Variants in CDH4 observed in about 807,000 individuals in gnomAD.
CDH4 encodes the protein cadherin-4.
CDH4 carries 33 observed loss-of-function variants against 86.0 expected under a neutral mutation model. That is an observed-to-expected ratio of 0.38 (90% CI 0.29 to 0.51). The LOEUF (loss-of-function observed/expected upper bound fraction) is 0.51. CDH4 is among the 20% of genes least tolerant of loss of function. CDH4 has a pLI of 0.86. For missense variants in CDH4, 1,114 were observed against 1,307.4 expected (o/e 0.85, Z 2.28); for synonymous variants, 555 against 549.4 (o/e 1.01, Z -0.14).
At chr20:61,323,856 C>G (rs1010456010) in intron 2 of CDH4, among the ~76,000 whole-genome samples, 4 of 152,160 alleles carry the variant, frequency 2.6e-5, no homozygotes, top group Non-Finnish European at 2.9e-5. Context: ...TAATGCCTCC[C>G]TGTTGGGGAA....
At chr20:61,729,672 G>C (rs985363105) in intron 2 of CDH4, among the ~76,000 whole-genome samples, 5 of 152,206 alleles carry the variant, frequency 3.3e-5, no homozygotes, top group African/African-American at 1.2e-4. Context: ...AGTTTTGGGG[G>C]ACAGGGCCAC....
rs564369129 is a variant in CDH4, at chr20:61,609,071, G to A, written c.170-134492G>A. 5.3e-5 allele frequency among the ~76,000 whole-genome samples: 8 copies of A among 152,312 alleles called. No homozygotes were observed. In the South Asian group the frequency reaches 8.3e-4, roughly 16 times the overall value. On this transcript the variant is annotated intron_variant, in intron 2 of 15. Transcript: ENST00000614565. ...AATCACAAGCCAGTTTTCCTTCTCA[G>A]GTTTTGCGGCTACAGGGACCCCCTC...
intron 2 of CDH4, among the ~76,000 whole-genome samples, chr20:61,262,201 G>T (rs946701546): frequency 6.6e-6 from 1 of 152,186 alleles, no homozygotes; most frequent in Non-Finnish European, 1.5e-5. Context: ...TGGCCAGCCG[G>T]GGCGGGGCTC....
At chr20:61,280,851 C>T (rs1441825194) in intron 2 of CDH4, among the ~76,000 whole-genome samples, 4 of 152,186 alleles carry the variant, frequency 2.6e-5, no homozygotes, top group African/African-American at 9.7e-5. Context: ...CCTCGCTACC[C>T]TCCCTGTTCC....
intron 4 of CDH4, among the ~76,000 whole-genome samples, chr20:61,817,656 G>T (rs1393603372): frequency 1.3e-5 from 2 of 152,176 alleles, no homozygotes; most frequent in African/African-American, 4.8e-5. Flanking sequence ...CGAGGTCACA[G>T]GTGTCTGCGC....
At chr20:61,794,000 G>T (rs1322625759) in intron 4 of CDH4, among the ~76,000 whole-genome samples, 6 of 149,490 alleles carry the variant, frequency 4.0e-5, no homozygotes, top group Non-Finnish European at 8.9e-5. Context: ...AAAATTAGCT[G>T]GGCGTGGTGG....
intron 9 of CDH4, among the ~76,000 whole-genome samples, chr20:61,918,084 G>A (rs1469369358): frequency 2.6e-5 from 4 of 152,268 alleles, no homozygotes; most frequent in Non-Finnish European, 5.9e-5. Context: ...GGCCTGGGGG[G>A]GCAGCTGCAG....
chr20:61,447,470 G>C (rs76089535), intron 2 of CDH4, among the ~76,000 whole-genome samples: 1 of 151,770 alleles, frequency 6.6e-6, no homozygotes, highest in African/African-American at 2.4e-5. Context: ...CAGTGTGCCC[G>C]ACCTATTCAT....
At chr20:61,714,206 C>T (rs2145903032) in intron 2 of CDH4, among the ~76,000 whole-genome samples, 1 of 152,078 alleles carries the variant, frequency 6.6e-6, no homozygotes, top group African/African-American at 2.4e-5. Context: ...GCCACCACGC[C>T]TGGCTAATTT....
chr20:61,413,739 A>G (rs1350010269), intron 2 of CDH4, among the ~76,000 whole-genome samples: 14 of 152,146 alleles, frequency 9.2e-5, no homozygotes, highest in Admixed American at 9.2e-4. Flanking sequence ...GTTCTCAAGG[A>G]CAGTCACTTA....
intron 2 of CDH4, among the ~76,000 whole-genome samples, chr20:61,573,381 G>C (rs868177186): frequency 1.3e-5 from 2 of 152,236 alleles, no homozygotes; most frequent in Non-Finnish European, 2.9e-5. Context: ...AGAAACACAA[G>C]TTGAGTATTT....
chr20:61,556,287 C>A (rs1370321083), intron 2 of CDH4, among the ~76,000 whole-genome samples: 2 of 152,138 alleles, frequency 1.3e-5, no homozygotes, highest in Non-Finnish European at 2.9e-5. Context: ...GTATGTGTCA[C>A]CAGAATTCAG....
intron 2 of CDH4, among the ~76,000 whole-genome samples, chr20:61,601,893 CT>C (rs1439572998): frequency 1.3e-5 from 2 of 152,200 alleles, no homozygotes; most frequent in Non-Finnish European, 2.9e-5. Flanking sequence ...GGAAACAGCT[CT>C]GTAGAAAAGT....
At chr20:61,359,581 G>T (rs1247822906) in intron 2 of CDH4, among the ~76,000 whole-genome samples, 1 of 152,226 alleles carries the variant, frequency 6.6e-6, no homozygotes, top group Non-Finnish European at 1.5e-5. Flanking sequence ...CAGGTGCTCC[G>T]TGTCCCGGCC....
chr20:61,899,182 G>A, intron 8 of CDH4, among the ~76,000 whole-genome samples: 1 of 151,878 alleles, frequency 6.6e-6, no homozygotes, highest in South Asian at 2.1e-4. Context: ...GTGCGCACCT[G>A]TAATCCCAGC....
Position 61,582,066 on chromosome 20 carries a change from G to A in CDH4, c.170-161497G>A, listed in dbSNP as rs757388134. Reference sequence around the variant, plus strand: ...GAGGGTGCTCCCAGCCCTCCAGCCTGGCTGCGGGTGATCCACTCCCTGTTT... The same window carrying A: ...GAGGGTGCTCCCAGCCCTCCAGCCTAGCTGCGGGTGATCCACTCCCTGTTT... On this transcript the variant is annotated intron_variant, in intron 2 of 15. Transcript: ENST00000614565. This position sits in a 1 kb window ranked among gnomAD's most constrained non-coding sequence, Gnocchi z 4.2. Among the ~76,000 whole-genome samples the A allele has an allele frequency of 2.6e-4, 40 of 152,150 alleles. No individual in the cohort carries two copies. The highest frequency in any genetic ancestry group is 5.6e-4 in the Non-Finnish European group (38 of 68,028).
intron 4 of CDH4, among the ~76,000 whole-genome samples, chr20:61,834,593 C>G (rs1022423379): frequency 4.6e-5 from 7 of 152,240 alleles, no homozygotes; most frequent in African/African-American, 1.4e-4. Flanking sequence ...TGAAGGTTTT[C>G]TGACGAGACT....
chr20:61,279,794 G>C (rs984008592), intron 2 of CDH4, among the ~76,000 whole-genome samples: 2 of 152,224 alleles, frequency 1.3e-5, no homozygotes, highest in African/African-American at 4.8e-5. Context: ...ACATCTGCAG[G>C]CTGAGCTGTG....
chr20:61,647,005 A>G (rs1375806346), intron 2 of CDH4, among the ~76,000 whole-genome samples: 1 of 152,214 alleles, frequency 6.6e-6, no homozygotes, highest in Non-Finnish European at 1.5e-5. Flanking sequence ...GCGTTTGCCT[A>G]GTGAGTTCAC....
Sources: allele counts gnomAD v4.1 joint callset (sites outside exome capture counted in the v4.1 genomes callset), GRCh38; gene constraint gnomAD v4.1.1; non-coding constraint Gnocchi (gnomAD v3.1); transcripts MANE v1.5; gene names NCBI Gene and HGNC (gene_info 2026-07-23, HGNC 2026-07-21).